INTS2: variants seen among roughly 807,000 people sequenced by gnomAD.
INTS2 encodes the protein integrator complex subunit 2, also known as KIAA1287.
INTS2 carries 57 observed loss-of-function variants against 139.6 expected under a neutral mutation model. The observed-to-expected ratio is 0.41, with a 90% CI of 0.33 to 0.51. The LOEUF (loss-of-function observed/expected upper bound fraction) is 0.51. Ranked by LOEUF, INTS2 falls within the 20% of genes least tolerant of loss-of-function variation. The pLI is 0.28. For missense variants in INTS2, 1,196 were observed against 1,436.7 expected, an observed-to-expected ratio of 0.83 and a Z score of 2.71; for synonymous variants, 473 against 493.4, an observed-to-expected ratio of 0.96 and a Z score of 0.55.
chr17:61,925,695 C>A (rs2079704257), intron 2 of INTS2, among the ~76,000 whole-genome samples: 1 of 152,214 alleles, frequency 6.6e-6, no homozygotes, highest in South Asian at 2.1e-4. Context: ...GGACATAGCA[C>A]CTGCCCAGAA....
chr17:61,913,680 AT>A (rs1309901332), intron 5 of INTS2, among the ~76,000 whole-genome samples: 1 of 152,138 alleles, frequency 6.6e-6, no homozygotes, highest in Non-Finnish European at 1.5e-5. Flanking sequence ...TTGAAAATAT[AT>A]TTTTCCAGAC....
Position 61,906,830 on chromosome 17 carries a change from C to CA in INTS2, c.1181+577dup, listed in dbSNP as rs60672452. Reference sequence around the variant, plus strand: ...TGAAACCCCGTCTCTACTAAAAATACAAAAAAAAAAAAAAAAAAATTAGCC... The same window carrying CA: ...TGAAACCCCGTCTCTACTAAAAATACAAAAAAAAAAAAAAAAAAAATTAGCC... On this transcript the variant is annotated intron_variant, in intron 8 of 24. Coordinates refer to ENST00000251334, the MANE Select transcript of INTS2 (RefSeq NM_001351695.2). Among the ~76,000 whole-genome samples, 126 of 101,914 alleles carry CA rather than the reference C, an allele frequency of 1.2e-3. 1 individual carries two copies. Among genetic ancestry groups the CA allele is most frequent in the Middle Eastern group, 5.0e-3 (1 of 202 alleles). 66.9% of individuals were successfully genotyped at this position (101,914 alleles called of 152,430 possible).
intron 1 of INTS2, chr17:61,927,034 A>G (rs1265834782): frequency 3.7e-6 from 1 of 268,028 alleles, no homozygotes; most frequent in East Asian, 1.0e-4. Flanking sequence ...GACTTTCTCC[A>G]CTATATCAGT....
chr17:61,870,035 T>TA lies in INTS2; in HGVS notation c.2779-48dup, dbSNP rs771728064. 2 of 1,520,558 alleles carry TA rather than the reference T, an allele frequency of 1.3e-6. No individual in the cohort carries two copies. Among genetic ancestry groups the TA allele is most frequent in the South Asian group, 1.2e-5 (1 of 82,298 alleles). 94.2% of individuals were successfully genotyped at this position (1,520,558 alleles called of 1,614,324 possible). A position where few individuals can be genotyped will look rare whatever the true frequency, so the allele number is the denominator to read the frequency against. On this transcript the variant is annotated intron_variant, in intron 20 of 24. Coordinates refer to ENST00000251334, the MANE Select transcript of INTS2 (RefSeq NM_001351695.2). The surrounding 1 kb of genome is among the most constrained non-coding windows in gnomAD (Gnocchi z 4.4). The stretch of plus-strand genomic sequence containing the variant: ...AAAAAGTAAGAAGTTTCTAAGAAGT[T>TA]AAAAAACAAATCAGATTTTATTTTC...
intron 9 of INTS2, among the ~76,000 whole-genome samples, chr17:61,898,371 T>C (rs1603378267): frequency 6.6e-6 from 1 of 152,134 alleles, no homozygotes; most frequent in East Asian, 1.9e-4. Context: ...CATAGCTCAC[T>C]ATAGCCTCGA....
At position 61,909,823 on chromosome 17, in the gene INTS2, A is replaced by ATGTGTG. The variant is rs78460850; in HGVS notation, c.954+1691_954+1696dup. Among the ~76,000 whole-genome samples, 54 of 138,888 alleles carry ATGTGTG rather than the reference A, an allele frequency of 3.9e-4. 1 individual carries two copies. The highest frequency in any genetic ancestry group is 1.1e-3 in the African/African-American group (42 of 38,630). 91.1% of individuals were successfully genotyped at this position (138,888 alleles called of 152,430 possible). A position where few individuals can be genotyped will look rare whatever the true frequency, so the allele number is the denominator to read the frequency against. ...TATACGTGTGTGTGTACATGTGTGT[A>ATGTGTG]TGTGTGTGTGTGTGTGTGTGTGTGT... On this transcript the variant is annotated intron_variant, in intron 7 of 24. Coordinates refer to ENST00000251334, the MANE Select transcript of INTS2 (RefSeq NM_001351695.2). The surrounding 1 kb of genome is among the most constrained non-coding windows in gnomAD (Gnocchi z 4.9).
Position 61,867,813 on chromosome 17 carries a change from G to C in INTS2, c.3421+20C>G. 6.4e-7 allele frequency: 1 copy of C among 1,568,872 alleles called. No homozygotes were observed. Among genetic ancestry groups the C allele is most frequent in the East Asian group, 2.3e-5 (1 of 44,436 alleles). On this transcript the variant is annotated intron_variant, in intron 24 of 24. Coordinates refer to ENST00000251334, the MANE Select transcript of INTS2 (RefSeq NM_001351695.2). The surrounding 1 kb of genome is among the most constrained non-coding windows in gnomAD (Gnocchi z 5.6). Reference sequence around the variant, plus strand: ...TGTTTGAGATATTAAGATAACCCTTGAAAATAAGTTACCACTTACGTGTAA... The same window carrying C: ...TGTTTGAGATATTAAGATAACCCTTCAAAATAAGTTACCACTTACGTGTAA...
intron 14 of INTS2, among the ~76,000 whole-genome samples, chr17:61,890,104 T>C (rs1399252129): frequency 6.6e-6 from 1 of 152,200 alleles, no homozygotes; most frequent in East Asian, 1.9e-4. Context: ...CATGCTTAAG[T>C]GGTCTTTAAG....
At position 61,891,502 on chromosome 17, in the gene INTS2, C is replaced by T. The variant is rs1231406839; in HGVS notation, c.1875+11G>A. ...AATAAGTTAATAGATATAAAAGAACCACTATTTTACCCCAATGACTCCTTG... is the reference window on the plus strand; with the variant it reads ...AATAAGTTAATAGATATAAAAGAACTACTATTTTACCCCAATGACTCCTTG... On this transcript the variant is annotated intron_variant, in intron 14 of 24. Coordinates refer to ENST00000251334, the MANE Select transcript of INTS2 (RefSeq NM_001351695.2). 5 of 1,588,092 alleles carry T rather than the reference C, an allele frequency of 3.1e-6. No individual in the cohort carries two copies. In the East Asian group the frequency reaches 1.1e-4, roughly 36 times the overall value.
rs1003306307 is a variant in INTS2, at chr17:61,872,391, A to C, written c.2652T>G (p.Leu884=). ...NGYLLASKAY[L]SAHLKETEQD... ...GCTCTGTTTCCTTCAGATGAGCACT[A>C]AGGTAGGCTTTAGATGCAAGAAGAT... is the stretch of plus-strand genomic sequence containing the variant. The change falls in exon 20 of 25, where the codon CTT becomes CTG. Residue 884 remains leucine (L), a synonymous_variant. Transcript: ENST00000251334. The surrounding 1 kb of genome is among the most constrained non-coding windows in gnomAD (Gnocchi z 4.8). 3 of 1,611,644 alleles carry C rather than the reference A, an allele frequency of 1.9e-6. No homozygotes were observed. In the African/African-American group the frequency reaches 4.0e-5, roughly 22 times the overall value.
Position 61,911,682 on chromosome 17 carries a change from A to C in INTS2, c.792T>G (p.Cys264Trp). The change falls in exon 7 of 25, where the codon TGT becomes TGG. Residue 264 changes from cysteine (C) to tryptophan (W), a missense_variant. By Grantham distance (215) the Cys-to-Trp change is radical (BLOSUM62 -2). This residue lies in a region of INTS2 where 1,129 missense variants were observed against 1,341.9 expected (regional missense o/e 0.84). Coordinates refer to ENST00000251334, the MANE Select transcript of INTS2 (RefSeq NM_001351695.2). ...LKVRGMVVEE[C>W]HLPGLGVALT... The stretch of plus-strand genomic sequence containing the variant: ...AAGCCACACCAAGGCCTGGCAAGTG[A>C]CATTCTTCCACCTAGCACAGAAAAG... The C allele has an allele frequency of 6.2e-7, 1 of 1,613,240 alleles. No homozygotes were observed. The highest frequency in any genetic ancestry group is 8.5e-7 in the Non-Finnish European group (1 of 1,179,518).
chr17:61,867,104 A>C lies in INTS2; in HGVS notation c.*453T>G, dbSNP rs865932993. The C allele has an allele frequency of 2.6e-5, 4 of 152,298 alleles. No homozygotes were observed. In the South Asian group the frequency reaches 8.3e-4, roughly 32 times the overall value. The allele number at this position is 152,298 out of a possible 1,614,324, so 9.4% of individuals were successfully genotyped here. A position where few individuals can be genotyped will look rare whatever the true frequency, so the allele number is the denominator to read the frequency against. On this transcript the variant is annotated 3_prime_UTR_variant, in exon 25 of 25. Coordinates refer to ENST00000251334, the MANE Select transcript of INTS2 (RefSeq NM_001351695.2). This position sits in a 1 kb window ranked among gnomAD's most constrained non-coding sequence, Gnocchi z 5.6. ...TGTTTTTAACTCCTATTATTTCCTT[A>C]ATTCTCCTTTCCCTTTACCCTTTTT...
chr17:61,921,922 T>C (rs1040506492), intron 3 of INTS2, 95 bp from the exon 4 acceptor site: 6 of 648,060 alleles, frequency 9.3e-6, no homozygotes, highest in African/African-American at 3.7e-5. Flanking sequence ...AGATTATGTC[T>C]CTTAATGTAT....
At chr17:61,906,833 A>AC (rs1288892287) in intron 8 of INTS2, among the ~76,000 whole-genome samples, 1 of 146,756 alleles carries the variant, frequency 6.8e-6, no homozygotes, top group East Asian at 2.0e-4. Context: ...AAAAATACAA[A>AC]AAAAAAAAAA....
At chr17:61,884,756 A>G in intron 16 of INTS2, 145 bp downstream of exon 16, 1 of 635,326 alleles carries the variant, frequency 1.6e-6, no homozygotes, top group South Asian at 1.9e-5. Flanking sequence ...CTGAAATAAT[A>G]GATTTAGTGA....
At chr17:61,922,273 C>T (rs998486036) in intron 3 of INTS2, among the ~76,000 whole-genome samples, 3 of 151,752 alleles carry the variant, frequency 2.0e-5, no homozygotes, top group Non-Finnish European at 2.9e-5. Context: ...GAGTTCGAGA[C>T]CAGCCTGGCC....
intron 5 of INTS2, among the ~76,000 whole-genome samples, chr17:61,915,329 C>CT (rs2079569324): frequency 7.0e-6 from 1 of 142,964 alleles, no homozygotes; most frequent in African/African-American, 2.9e-5. Context: ...CAGAGCAAGA[C>CT]TCCGTCTCAA....
At chr17:61,899,275 A>C (rs1003451196) in intron 9 of INTS2, among the ~76,000 whole-genome samples, 2 of 151,772 alleles carry the variant, frequency 1.3e-5, no homozygotes, top group Non-Finnish European at 2.9e-5. Context: ...GTTTTTGAGA[A>C]GTTTCGCTCT....
chr17:61,903,392 A>G (rs2079429053), intron 9 of INTS2, among the ~76,000 whole-genome samples: 1 of 151,734 alleles, frequency 6.6e-6, no homozygotes, highest in Admixed American at 6.6e-5. Flanking sequence ...CAGAAGATCC[A>G]ACAAAGGAGA....
Sources: gnomAD v4.1 joint callset for allele counts (sites outside exome capture counted in the v4.1 genomes callset) on GRCh38, gnomAD v4.1.1 for gene constraint, gnomAD v4.1.1 regional missense constraint, Gnocchi (gnomAD v3.1) non-coding constraint, MANE v1.5 for transcripts, NCBI Gene and HGNC (gene_info 2026-07-23, HGNC 2026-07-21) for gene names.